Variants in CERK observed in about 807,000 individuals in gnomAD.
The protein encoded by CERK is ceramide kinase, also known as acylsphingosine kinase.
In CERK, 39 loss-of-function variants were observed where a neutral mutation model predicts 63.4. The observed-to-expected ratio is 0.61, with a 90% CI of 0.48 to 0.80. The LOEUF is 0.80. CERK is among the 30% of genes least tolerant of loss of function. The pLI, the probability that CERK is intolerant of heterozygous loss-of-function variation, is 0.00. For synonymous variants in CERK, 302 were observed against 280.0 expected, an observed-to-expected ratio of 1.08 and a Z score of -0.78; for missense variants, 670 against 714.1, an observed-to-expected ratio of 0.94 and a Z score of 0.70.
chr22:46,727,078 C>T (rs1391216031), intron 1 of CERK, among the ~76,000 whole-genome samples: 1 of 152,150 alleles, frequency 6.6e-6, no homozygotes, highest in Admixed American at 6.5e-5. Context: ...CCAAATTTAG[C>T]CCAAAGACCT....
intron 8 of CERK, among the ~76,000 whole-genome samples, chr22:46,696,462 G>A (rs952682988): frequency 4.6e-5 from 7 of 152,202 alleles, no homozygotes; most frequent in Admixed American, 4.6e-4. Context: ...TCAAGTGCAG[G>A]GGGCAGGGGG....
chr22:46,695,537 C>T (rs1353222067), intron 8 of CERK, among the ~76,000 whole-genome samples: 1 of 152,252 alleles, frequency 6.6e-6, no homozygotes. Flanking sequence ...GTGCTGGTGC[C>T]TTCTGACACC....
chr22:46,729,017 CAT>C (rs1224681044), intron 1 of CERK, among the ~76,000 whole-genome samples: 2 of 152,258 alleles, frequency 1.3e-5, no homozygotes, highest in Admixed American at 6.5e-5. Context: ...TCCCTCGCCA[CAT>C]GAGACAGACC....
chr22:46,691,785 A>C lies in CERK; in HGVS notation c.1127-8T>G, dbSNP rs1319561205. Reference sequence around the variant, plus strand: ...GCCACTCCTCCACGTCCTCTGAAGCACAAAGAACCACGGAGATGTCACAGT... The same window carrying C: ...GCCACTCCTCCACGTCCTCTGAAGCCCAAAGAACCACGGAGATGTCACAGT... On this transcript the variant is annotated splice_polypyrimidine_tract_variant and splice_region_variant and intron_variant, in intron 10 of 12. Coordinates refer to ENST00000216264, the MANE Select transcript of CERK (RefSeq NM_022766.6). 6.2e-7 allele frequency: 1 copy of C among 1,604,078 alleles called. No individual in the cohort carries two copies. The highest frequency in any genetic ancestry group is 8.5e-7 in the Non-Finnish European group (1 of 1,172,794).
At chr22:46,728,930 A>C (rs5769118) in intron 1 of CERK, among the ~76,000 whole-genome samples, 71,897 of 152,126 alleles carry the variant, frequency 0.47, 19,360 homozygotes, top group Non-Finnish European at 0.6. Context: ...GAGAATGACC[A>C]GATGAGTCCA....
intron 10 of CERK, 151 bp downstream of exon 10, chr22:46,693,276 C>CGACGAT: frequency 1.5e-6 from 1 of 657,258 alleles, no homozygotes; most frequent in Non-Finnish European, 2.7e-6. Context: ...CTGACGCTGC[C>CGACGAT]TGGGGCTAAG....
At chr22:46,689,901 G>C in intron 12 of CERK, 91 bp downstream of exon 12, 1 of 895,600 alleles carries the variant, frequency 1.1e-6, no homozygotes, top group Middle Eastern at 3.3e-4. Flanking sequence ...TAAAGCCCCA[G>C]GGAACCCCCC....
rs1360543114 is a variant in CERK at position 46,702,214 on chromosome 22, A to T, written c.716-504T>A. 2.6e-3 allele frequency among the ~76,000 whole-genome samples: 279 copies of T among 109,144 alleles called. 5 individuals are homozygous for T. Among genetic ancestry groups the T allele is most frequent in the East Asian group, 0.013 (46 of 3,616 alleles). 71.6% of individuals were successfully genotyped at this position (109,144 alleles called of 152,430 possible). ...AAAAAAGGAGCCAAAAAGTTAAAAA[A>T]ATATATATATGTGTGTGTGTGTGTG... On this transcript the variant is annotated intron_variant, in intron 6 of 12. Coordinates refer to ENST00000216264, the MANE Select transcript of CERK (RefSeq NM_022766.6).
chr22:46,703,458 C>T (rs924591031), intron 6 of CERK, among the ~76,000 whole-genome samples: 6 of 152,156 alleles, frequency 3.9e-5, no homozygotes, highest in South Asian at 2.1e-4. Context: ...CACCACCGGC[C>T]GTGCGCATCC....
At chr22:46,736,187 C>G (rs1423788621) in intron 1 of CERK, among the ~76,000 whole-genome samples, 1 of 152,272 alleles carries the variant, frequency 6.6e-6, no homozygotes, top group Admixed American at 6.5e-5. Flanking sequence ...AAGAGGCAAA[C>G]CCCAGCAGGC....
intron 1 of CERK, among the ~76,000 whole-genome samples, chr22:46,725,419 T>C (rs901815955): frequency 6.6e-6 from 1 of 151,808 alleles, no homozygotes; most frequent in East Asian, 1.9e-4. Flanking sequence ...GACGGTCCTC[T>C]AGAAGCAGAA....
intron 1 of CERK, among the ~76,000 whole-genome samples, chr22:46,724,370 G>T (rs1180788264): frequency 6.6e-6 from 1 of 152,224 alleles, no homozygotes. Flanking sequence ...AGTGCTGGGG[G>T]AGTCAAAAGT....
intron 10 of CERK, 45 bp downstream of exon 10, chr22:46,693,382 C>G (rs1435596846): frequency 2.6e-6 from 4 of 1,543,268 alleles, no homozygotes; most frequent in South Asian, 1.1e-5. Context: ...AACCCGCACT[C>G]CAGCACACAC....
Position 46,701,722 on chromosome 22 carries a change from A to C in CERK, c.716-12T>G. 1 of 1,550,232 alleles carries C rather than the reference A, an allele frequency of 6.5e-7. No homozygotes were observed. Among genetic ancestry groups the C allele is most frequent in the Non-Finnish European group, 8.7e-7 (1 of 1,145,496 alleles). On this transcript the variant is annotated splice_polypyrimidine_tract_variant and intron_variant, in intron 6 of 12. Coordinates refer to ENST00000216264, the MANE Select transcript of CERK (RefSeq NM_022766.6). ...GCAGTCCGTTGACCCTGTAAAGGGA[A>C]AAAGAAGGTCCCAAATAGCATCAGA...
At chr22:46,692,115 T>C (rs2082734622) in intron 10 of CERK, among the ~76,000 whole-genome samples, 2 of 152,216 alleles carry the variant, frequency 1.3e-5, no homozygotes, top group Admixed American at 6.5e-5. Flanking sequence ...GAGCTAAGAA[T>C]GCTTTTCACG....
chr22:46,736,964 T>C (rs1362482793), intron 1 of CERK, among the ~76,000 whole-genome samples: 1 of 152,102 alleles, frequency 6.6e-6, no homozygotes, highest in Non-Finnish European at 1.5e-5. Context: ...ACATCCAGCA[T>C]GAATCCTGGC....
chr22:46,734,050 TTATATATACATACATACATATATATA>T (rs2146598741), intron 1 of CERK, among the ~76,000 whole-genome samples: 1 of 134,448 alleles, frequency 7.4e-6, no homozygotes, highest in Admixed American at 7.8e-5. Context: ...ATAAAATATG[TTATATATACATACATACATATATATA>T]TATATATATA....
At chr22:46,688,847 C>T (rs1176472829) in intron 12 of CERK, among the ~76,000 whole-genome samples, 1 of 152,260 alleles carries the variant, frequency 6.6e-6, no homozygotes, top group South Asian at 2.1e-4. Context: ...CAACATCTGC[C>T]AAGAGTTCAG....
intron 1 of CERK, among the ~76,000 whole-genome samples, chr22:46,734,461 A>G (rs919788603): frequency 1.4e-4 from 21 of 152,178 alleles, no homozygotes; most frequent in Non-Finnish European, 1.0e-4. Context: ...AGACGTGCAC[A>G]TGGCATGATT....
Sources: allele counts gnomAD v4.1 joint callset (sites outside exome capture counted in the v4.1 genomes callset), GRCh38; gene constraint gnomAD v4.1.1; transcripts MANE v1.5; gene names NCBI Gene and HGNC (gene_info 2026-07-23, HGNC 2026-07-21).